CDKL5: variants seen among roughly 807,000 people sequenced by gnomAD.
CDKL5 encodes the protein cyclin dependent kinase like 5, also known as cyclin-dependent kinase-like 5.
CDKL5 carries 8 observed loss-of-function variants against 61.7 expected under a neutral mutation model. The ratio of observed to expected loss-of-function variants is 0.13; its 90% confidence interval spans 0.08 to 0.23. The LOEUF is 0.23. CDKL5 is among the 10% of genes least tolerant of loss of function. The pLI, the probability that CDKL5 is intolerant of heterozygous loss-of-function variation, is 1.00. For synonymous variants in CDKL5, 275 were observed against 272.3 expected, an observed-to-expected ratio of 1.01 and a Z score of -0.10; for missense variants, 440 against 734.5, an observed-to-expected ratio of 0.60 and a Z score of 4.63.
intron 1 of CDKL5, among the ~76,000 whole-genome samples, chrX:18,459,744 C>T: frequency 1.4e-5 from 1 of 69,162 alleles, no homozygotes; most frequent in Middle Eastern, 0.02. Flanking sequence ...CTCGTTCTGT[C>T]ACCAGGCTGG....
rs770009639 is a variant in CDKL5 at position 18,629,995 on chromosome X, G to A, written c.*1238G>A. ...GCTCCTGAATATTGTCCACTGTCCC[G>A]GAGACTCTTGGCTGATGGGGTGTGA... On this transcript the variant is annotated 3_prime_UTR_variant, in exon 18 of 18. Transcript: ENST00000623535. 147 of 752,013 alleles carry A rather than the reference G, an allele frequency of 2.0e-4. No individual in the cohort carries two copies. Among genetic ancestry groups the A allele is most frequent in the Non-Finnish European group, 2.3e-4 (144 of 638,948 alleles). 62.0% of individuals were successfully genotyped at this position (752,013 alleles called of 1,213,427 possible). A position where few individuals can be genotyped will look rare whatever the true frequency, so the allele number is the denominator to read the frequency against.
intron 3 of CDKL5, among the ~76,000 whole-genome samples, chrX:18,533,806 T>C (rs1923729910): frequency 8.9e-6 from 1 of 111,822 alleles, no homozygotes; most frequent in South Asian, 3.7e-4. Flanking sequence ...AGCCCCATCA[T>C]TCTTGACATC....
At chrX:18,497,388 C>CA (rs1922214558) in intron 1 of CDKL5, 1 of 111,185 alleles carries the variant, frequency 9.0e-6, no homozygotes, top group Non-Finnish European at 1.9e-5. Flanking sequence ...GGTGAGTGGT[C>CA]ACTATCCAGG....
At chrX:18,603,065 C>G (rs1169208877) in intron 11 of CDKL5, among the ~76,000 whole-genome samples, 1 of 111,639 alleles carries the variant, frequency 9.0e-6, no homozygotes, top group African/African-American at 3.3e-5. Flanking sequence ...TATTTTAAAC[C>G]AAGTGTGAAA....
In CDKL5 at chrX:18,645,931, CCAATA is replaced by C. The variant is rs998199058; in HGVS notation, c.2714-75_2714-71del. The C allele has an allele frequency of 3.3e-6, 4 of 1,200,773 alleles. No homozygotes were observed. In the African/African-American group the frequency reaches 7.1e-5, roughly 21 times the overall value. On this transcript the variant is annotated intron_variant, in intron 19 of 21. Transcript: ENST00000379989. ...GTCAATGGGATGTGGGCAGAAGTGG[CCAATA>C]GAATATGTTTGTGTTCTTAAAGGCA...
intron 3 of CDKL5, among the ~76,000 whole-genome samples, chrX:18,539,931 C>T (rs1449189196): frequency 3.6e-5 from 4 of 111,233 alleles, no homozygotes; most frequent in African/African-American, 1.3e-4. Flanking sequence ...ACCCTTTTGC[C>T]CTCCCCACTT....
At chrX:18,444,571 C>A in intron 1 of CDKL5, among the ~76,000 whole-genome samples, 1 of 111,992 alleles carries the variant, frequency 8.9e-6, no homozygotes, top group East Asian at 2.8e-4. Flanking sequence ...CCACCTTGGT[C>A]CCCCAAAGTG....
In CDKL5 at chrX:18,629,911, A is replaced by G; in HGVS notation, c.*1154A>G. The G allele has an allele frequency of 8.0e-6, 6 of 753,937 alleles. No homozygotes were observed. The highest frequency in any genetic ancestry group is 7.8e-6 in the Non-Finnish European group (5 of 639,120). The allele number at this position is 753,937 out of a possible 1,213,427, so 62.1% of individuals were successfully genotyped here. Reference sequence around the variant, plus strand: ...GTAGACCAAAGATTTGCCAGTGAACATTCCTTGTTGTGAGATCATAAGAGG... The same window carrying G: ...GTAGACCAAAGATTTGCCAGTGAACGTTCCTTGTTGTGAGATCATAAGAGG... On this transcript the variant is annotated 3_prime_UTR_variant, in exon 18 of 18. Coordinates refer to ENST00000623535, the MANE Select transcript of CDKL5 (RefSeq NM_001323289.2).
At chrX:18,529,444 A>G (rs778103851) in intron 3 of CDKL5, among the ~76,000 whole-genome samples, 1 of 110,925 alleles carries the variant, frequency 9.0e-6, no homozygotes, top group Non-Finnish European at 1.9e-5. Context: ...ATTTTATCTT[A>G]TTTATTCCTT....
At chrX:18,436,220 G>C (rs1417441993) in intron 1 of CDKL5, among the ~76,000 whole-genome samples, 1 of 111,354 alleles carries the variant, frequency 9.0e-6, no homozygotes, top group Non-Finnish European at 1.9e-5. Context: ...TCTTCACATT[G>C]AGTAGGCTGA....
intron 1 of CDKL5, among the ~76,000 whole-genome samples, chrX:18,461,281 A>G (rs1461999467): frequency 8.9e-6 from 1 of 112,306 alleles, no homozygotes; most frequent in Non-Finnish European, 1.9e-5. Context: ...AGTTGTAGCA[A>G]TTTATGTTGC....
At chrX:18,467,637 A>G (rs766901055) in intron 1 of CDKL5, among the ~76,000 whole-genome samples, 2 of 111,826 alleles carry the variant, frequency 1.8e-5, no homozygotes, top group East Asian at 2.8e-4. Context: ...CTCCTTGTGA[A>G]CTTGAGGAGT....
At chrX:18,457,119 A>T (rs1932161502) in intron 1 of CDKL5, among the ~76,000 whole-genome samples, 1 of 109,639 alleles carries the variant, frequency 9.1e-6, no homozygotes, top group South Asian at 3.9e-4. Flanking sequence ...ATTCTCTTAC[A>T]TTTAGCTTCT....
chrX:18,434,551 A>G (rs1430364549), intron 1 of CDKL5, among the ~76,000 whole-genome samples: 4 of 112,341 alleles, frequency 3.6e-5, no homozygotes, highest in Non-Finnish European at 7.5e-5. Flanking sequence ...TTAACAAAAC[A>G]TATATAAATA....
intron 1 of CDKL5, among the ~76,000 whole-genome samples, chrX:18,451,856 C>T (rs1932026430): frequency 8.9e-6 from 1 of 112,027 alleles, no homozygotes; most frequent in Non-Finnish European, 1.9e-5. Flanking sequence ...TATATTTTAT[C>T]TGGCAAAAAT....
chrX:18,493,629 T>C (rs1922066439), intron 1 of CDKL5, among the ~76,000 whole-genome samples: 1 of 112,139 alleles, frequency 8.9e-6, no homozygotes, highest in Non-Finnish European at 1.9e-5. Flanking sequence ...AGTCTTGGAC[T>C]TCAGTTCCTT....
In CDKL5 at chrX:18,562,665, C is replaced by T. The variant is rs372227688; in HGVS notation, c.100-1812C>T. On this transcript the variant is annotated intron_variant, in intron 3 of 17. Transcript: ENST00000623535. ...AATGTTAAATTCTTTCCAGTATCTT[C>T]TCTTAATTGCATGTGTTTTTCACTA... is the stretch of plus-strand genomic sequence containing the variant. Among the ~76,000 whole-genome samples the T allele has an allele frequency of 1.1e-4, 12 of 111,833 alleles. No individual in the cohort carries two copies. In the East Asian group the frequency reaches 1.4e-3, roughly 13 times the overall value.
At chrX:18,542,974 G>A (rs901725492) in intron 3 of CDKL5, among the ~76,000 whole-genome samples, 1 of 110,745 alleles carries the variant, frequency 9.0e-6, no homozygotes, top group Non-Finnish European at 1.9e-5. Flanking sequence ...TACCCTGGCC[G>A]GGGAGTCAGA....
chrX:18,593,194 A>G (rs1925884116), intron 9 of CDKL5, among the ~76,000 whole-genome samples: 1 of 112,242 alleles, frequency 8.9e-6, no homozygotes, highest in Non-Finnish European at 1.9e-5. Flanking sequence ...TCAGAAAGAG[A>G]CAAGACTGAT....
Sources: gnomAD v4.1 joint callset for allele counts (sites outside exome capture counted in the v4.1 genomes callset) on GRCh38, gnomAD v4.1.1 for gene constraint, MANE v1.5 for transcripts, NCBI Gene and HGNC (gene_info 2026-07-23, HGNC 2026-07-21) for gene names.